ZNRF2: variants seen among roughly 807,000 people sequenced by gnomAD.
ZNRF2 encodes the protein E3 ubiquitin-protein ligase ZNRF2.
A neutral mutation model predicts 20.4 loss-of-function variants in ZNRF2; 16 were observed. The ratio of observed to expected loss-of-function variants is 0.79; its 90% confidence interval spans 0.53 to 1.19. ZNRF2 has a LOEUF of 1.19. Among genes scored for constraint, ZNRF2 ranks in the 50% most tolerant of loss-of-function variants. The pLI is 0.00. For synonymous variants in ZNRF2, 178 were observed against 144.9 expected (o/e 1.23, Z -1.64); for missense variants, 363 against 332.4 (o/e 1.09, Z -0.72).
intron 1 of ZNRF2, among the ~76,000 whole-genome samples, chr7:30,295,486 G>A (rs1205152587): frequency 6.6e-6 from 1 of 152,140 alleles, no homozygotes; most frequent in Non-Finnish European, 1.5e-5. Flanking sequence ...GGACGGGGGC[G>A]ATCGCTTGAG....
intron 1 of ZNRF2, among the ~76,000 whole-genome samples, chr7:30,320,880 T>C (rs904979261): frequency 4.6e-5 from 7 of 152,208 alleles, no homozygotes; most frequent in Admixed American, 4.6e-4. Flanking sequence ...GCATAATGCC[T>C]TAGAGCTGCC....
chr7:30,330,736 T>G (rs1294868285), intron 2 of ZNRF2, among the ~76,000 whole-genome samples: 1 of 151,918 alleles, frequency 6.6e-6, no homozygotes, highest in Non-Finnish European at 1.5e-5. Flanking sequence ...TTCAGGATGC[T>G]TTCTGAAATT....
intron 2 of ZNRF2, among the ~76,000 whole-genome samples, chr7:30,330,557 T>C (rs1799622118): frequency 6.6e-6 from 1 of 152,200 alleles, no homozygotes; most frequent in Non-Finnish European, 1.5e-5. Flanking sequence ...TCTGGGTTCC[T>C]GTCTAACATG....
chr7:30,360,575 C>G (rs1800111466), intron 3 of ZNRF2, among the ~76,000 whole-genome samples: 1 of 151,888 alleles, frequency 6.6e-6, no homozygotes, highest in African/African-American at 2.4e-5. Flanking sequence ...GCCTGTAATC[C>G]CAGCTACCCA....
chr7:30,355,129 G>C (rs1180705409), intron 2 of ZNRF2, among the ~76,000 whole-genome samples: 2 of 152,040 alleles, frequency 1.3e-5, no homozygotes, highest in Non-Finnish European at 2.9e-5. Context: ...GCTTGCCATT[G>C]TCATGGAAAA....
At chr7:30,339,153 A>C (rs1799759269) in intron 2 of ZNRF2, among the ~76,000 whole-genome samples, 1 of 151,198 alleles carries the variant, frequency 6.6e-6, no homozygotes, top group Admixed American at 6.6e-5. Context: ...AGTTGTTTAT[A>C]GATCTGGATA....
intron 1 of ZNRF2, among the ~76,000 whole-genome samples, chr7:30,309,234 C>G (rs1297626517): frequency 6.6e-6 from 1 of 152,114 alleles, no homozygotes; most frequent in African/African-American, 2.4e-5. Flanking sequence ...TTTGAACATT[C>G]TCTGAACTCT....
intron 2 of ZNRF2, among the ~76,000 whole-genome samples, chr7:30,354,042 G>A (rs1167186706): frequency 6.6e-6 from 1 of 151,780 alleles, no homozygotes; most frequent in African/African-American, 2.4e-5. Flanking sequence ...TTCCCTATCT[G>A]AATCTCCTAT....
At chr7:30,286,429 T>G (rs1798791442) in intron 1 of ZNRF2, among the ~76,000 whole-genome samples, 1 of 152,244 alleles carries the variant, frequency 6.6e-6, no homozygotes, top group South Asian at 2.1e-4. Flanking sequence ...ACAGTTAATG[T>G]GAGTCCTGCT....
chr7:30,356,651 T>G (rs775335695), intron 3 of ZNRF2, among the ~76,000 whole-genome samples: 33 of 151,440 alleles, frequency 2.2e-4, no homozygotes, highest in Admixed American at 1.8e-3. Context: ...CAAAAAGCAT[T>G]ATTAGGGATA....
intron 2 of ZNRF2, among the ~76,000 whole-genome samples, chr7:30,328,794 G>A (rs1204984270): frequency 5.3e-5 from 8 of 152,122 alleles, no homozygotes; most frequent in Non-Finnish European, 8.8e-5. Flanking sequence ...CAGCTGGCTC[G>A]GCAGAGATCC....
At chr7:30,296,550 G>T (rs1357620669) in intron 1 of ZNRF2, among the ~76,000 whole-genome samples, 4 of 152,168 alleles carry the variant, frequency 2.6e-5, no homozygotes, top group South Asian at 2.1e-4. Context: ...CTTTGCTGGT[G>T]CTTCAACACC....
chr7:30,286,692 A>G (rs1486000979), intron 1 of ZNRF2, among the ~76,000 whole-genome samples: 7 of 152,212 alleles, frequency 4.6e-5, no homozygotes, highest in Non-Finnish European at 8.8e-5. Context: ...ATGCTGATCT[A>G]CTTTATTGCA....
At chr7:30,288,921 C>G (rs113964452) in intron 1 of ZNRF2, 1 of 151,810 alleles carries the variant, frequency 6.6e-6, no homozygotes, top group African/African-American at 2.4e-5. Context: ...TTTTTTTCCA[C>G]TGTCAAGTAG....
chr7:30,325,282 A>C (rs2128063822), intron 2 of ZNRF2, among the ~76,000 whole-genome samples: 1 of 152,338 alleles, frequency 6.6e-6, no homozygotes, highest in African/African-American at 2.4e-5. Flanking sequence ...CCTGAAATAA[A>C]ATGTGTAGAA....
At chr7:30,323,368 A>G (rs1799504868) in intron 1 of ZNRF2, among the ~76,000 whole-genome samples, 1 of 152,198 alleles carries the variant, frequency 6.6e-6, no homozygotes, top group Non-Finnish European at 1.5e-5. Flanking sequence ...GAATACCTGG[A>G]CCAGTACATC....
At position 30,294,897 on chromosome 7, in the gene ZNRF2, T is replaced by C. The variant is rs183254437; in HGVS notation, c.469+9071T>C. Among the ~76,000 whole-genome samples the C allele has an allele frequency of 1.0e-3, 152 of 151,678 alleles. 2 individuals are homozygous for C. Among genetic ancestry groups the C allele is most frequent in the African/African-American group, 3.2e-3 (134 of 41,238 alleles). On this transcript the variant is annotated intron_variant, in intron 1 of 4. Transcript: ENST00000323037. ...GGAAAAACTGTATATTGTTTCAAAT[T>C]ATTGAAAAGGATCCTAGGGTAACTT...
chr7:30,314,753 G>A (rs1174991252), intron 1 of ZNRF2, among the ~76,000 whole-genome samples: 3 of 150,898 alleles, frequency 2.0e-5, no homozygotes, highest in African/African-American at 7.3e-5. Flanking sequence ...GTACTTTATC[G>A]CTCTGGGTTT....
chr7:30,345,744 C>T (rs1799866478), intron 2 of ZNRF2, among the ~76,000 whole-genome samples: 1 of 152,210 alleles, frequency 6.6e-6, no homozygotes, highest in Admixed American at 6.5e-5. Context: ...CCCTGATACA[C>T]TTGTTCACTT....
Sources: gnomAD v4.1 joint callset for allele counts (sites outside exome capture counted in the v4.1 genomes callset) on GRCh38, gnomAD v4.1.1 for gene constraint, MANE v1.5 for transcripts, NCBI Gene and HGNC (gene_info 2026-07-23, HGNC 2026-07-21) for gene names.